EIPR1: variants seen among roughly 807,000 people sequenced by gnomAD.
EIPR1 encodes the protein EARP and GARP complex-interacting protein 1.
Under a neutral mutation model 48.1 loss-of-function variants are expected in EIPR1, and 25 were observed. The ratio of observed to expected loss-of-function variants is 0.52; its 90% CI spans 0.38 to 0.73. EIPR1 has a LOEUF of 0.73. Ranked by LOEUF, EIPR1 falls within the 30% of genes least tolerant of loss-of-function variation. The probability of loss-of-function intolerance (pLI) is 0.00; values close to 1 mark genes in which losing one functional copy is unlikely to be tolerated. For synonymous variants in EIPR1, 204 were observed against 201.9 expected, an observed-to-expected ratio of 1.01 and a Z score of -0.09; for missense variants, 415 against 506.2, an observed-to-expected ratio of 0.82 and a Z score of 1.73.
At chr2:3,245,515 A>T (rs996773585) in intron 4 of EIPR1, among the ~76,000 whole-genome samples, 2 of 152,230 alleles carry the variant, frequency 1.3e-5, no homozygotes, top group African/African-American at 4.8e-5. Flanking sequence ...GCCCAGCCTC[A>T]TTCCCCATTT....
At chr2:3,351,971 TTGATC>T (rs1285434607) in intron 2 of EIPR1, among the ~76,000 whole-genome samples, 1 of 148,582 alleles carries the variant, frequency 6.7e-6, no homozygotes, top group African/African-American at 2.5e-5. Context: ...AGTCATCCCT[TTGATC>T]AGCATATCCA....
At chr2:3,192,298 G>A in intron 8 of EIPR1, 116 bp downstream of exon 8, 2 of 1,246,772 alleles carry the variant, frequency 1.6e-6, no homozygotes, top group Non-Finnish European at 1.1e-6. Context: ...GGTAAGGAGA[G>A]TGTCCCCCAA....
intron 2 of EIPR1, among the ~76,000 whole-genome samples, chr2:3,345,453 C>T (rs772289579): frequency 1.4e-5 from 2 of 146,580 alleles, no homozygotes; most frequent in Middle Eastern, 3.4e-3. Context: ...GGTGAAACCC[C>T]GTCTCTACTA....
At chr2:3,320,220 A>C in intron 3 of EIPR1, 1 of 163,924 alleles carries the variant, frequency 6.1e-6, no homozygotes, top group Non-Finnish European at 1.3e-5. Context: ...CCTGGGGATA[A>C]CACACCTGCA....
intron 1 of EIPR1, among the ~76,000 whole-genome samples, chr2:3,368,271 T>C (rs1004526355): frequency 1.5e-4 from 23 of 152,198 alleles, no homozygotes; most frequent in Non-Finnish European, 3.1e-4. Context: ...CATATCCTTG[T>C]GTGGCTTACA....
intron 4 of EIPR1, among the ~76,000 whole-genome samples, chr2:3,252,226 C>CTCT (rs1667021376): frequency 6.6e-6 from 1 of 152,196 alleles, no homozygotes; most frequent in African/African-American, 2.4e-5. Flanking sequence ...GCTCAGCGTC[C>CTCT]ACAGAGAACA....
chr2:3,284,762 T>G (rs574695580), intron 3 of EIPR1, among the ~76,000 whole-genome samples: 4 of 152,126 alleles, frequency 2.6e-5, no homozygotes, highest in Non-Finnish European at 5.9e-5. Flanking sequence ...CGTGTCATTA[T>G]CCTGCCTTTC....
chr2:3,282,342 G>C (rs895173772), intron 3 of EIPR1: 1 of 152,220 alleles, frequency 6.6e-6, no homozygotes, highest in Non-Finnish European at 1.5e-5. Flanking sequence ...AGACCAAGTG[G>C]TGAAATCTGT....
intron 4 of EIPR1, among the ~76,000 whole-genome samples, chr2:3,242,985 T>G (rs1360166851): frequency 1.3e-5 from 2 of 152,208 alleles, no homozygotes; most frequent in Non-Finnish European, 2.9e-5. Context: ...AAGTTCTTTA[T>G]GTTGGGACCT....
chr2:3,254,908 G>A lies in EIPR1; in HGVS notation c.416+2391C>T, dbSNP rs759829444. Among the ~76,000 whole-genome samples the A allele has an allele frequency of 2.0e-4, 30 of 152,334 alleles. No individual in the cohort carries two copies. The Middle Eastern group carries it at 0.01, about 52-fold the overall frequency. ...TGGGCTGTATCAATGCCAGTTTCCT[G>A]TTTGTGATACAGTACCATAGTTATG... On this transcript the variant is annotated intron_variant, in intron 4 of 8. Transcript: ENST00000382125.
intron 3 of EIPR1, among the ~76,000 whole-genome samples, chr2:3,283,571 T>TC (rs1244058289): frequency 6.6e-6 from 1 of 152,116 alleles, no homozygotes; most frequent in Non-Finnish European, 1.5e-5. Flanking sequence ...CGCCATGCCT[T>TC]CCCCCAGCTG....
intron 3 of EIPR1, among the ~76,000 whole-genome samples, chr2:3,266,299 C>T (rs941093278): frequency 1.3e-5 from 2 of 152,146 alleles, no homozygotes; most frequent in South Asian, 4.1e-4. Flanking sequence ...TTTTAGAGCC[C>T]GCAGCCATCT....
chr2:3,246,976 G>A (rs1301716826), intron 4 of EIPR1, among the ~76,000 whole-genome samples: 34 of 178 alleles, frequency 0.19, 4 homozygotes, highest in South Asian at 0.1. Context: ...AGGGGAAGGA[G>A]GGAGGGAGGG....
intron 4 of EIPR1, among the ~76,000 whole-genome samples, chr2:3,218,765 C>T (rs139173795): frequency 2.0e-4 from 28 of 140,058 alleles, no homozygotes; most frequent in Middle Eastern, 4.6e-3. Context: ...GACCCTGATA[C>T]ACTCTAGAGC....
At chr2:3,355,486 T>C (rs968074212) in intron 1 of EIPR1, among the ~76,000 whole-genome samples, 5 of 152,308 alleles carry the variant, frequency 3.3e-5, no homozygotes, top group Admixed American at 6.5e-5. Context: ...AATCTGACAC[T>C]GAAAAATGTT....
At chr2:3,364,615 A>T (rs113874297) in intron 1 of EIPR1, among the ~76,000 whole-genome samples, 1 of 151,954 alleles carries the variant, frequency 6.6e-6, no homozygotes, top group African/African-American at 2.4e-5. Flanking sequence ...AGCCTGGGTG[A>T]CAGAGTGAGA....
At chr2:3,336,790 GA>G (rs2103349373) in intron 3 of EIPR1, among the ~76,000 whole-genome samples, 1 of 97,308 alleles carries the variant, frequency 1.0e-5, no homozygotes, top group South Asian at 3.0e-4. Context: ...AAAAGAAAAG[GA>G]AAGGAAAAGA....
At chr2:3,243,773 C>T (rs185926219) in intron 4 of EIPR1, among the ~76,000 whole-genome samples, 19 of 152,280 alleles carry the variant, frequency 1.2e-4, no homozygotes, top group Admixed American at 9.8e-4. Flanking sequence ...CCTCAAAACC[C>T]TATCCTCTGG....
chr2:3,366,030 C>T (rs904987793), intron 1 of EIPR1, among the ~76,000 whole-genome samples: 7 of 152,058 alleles, frequency 4.6e-5, no homozygotes, highest in African/African-American at 1.2e-4. Context: ...AAAAGAGGCC[C>T]GGCATGGTGG....
Sources: allele counts gnomAD v4.1 joint callset (sites outside exome capture counted in the v4.1 genomes callset), GRCh38; gene constraint gnomAD v4.1.1; transcripts MANE v1.5; gene names NCBI Gene and HGNC (gene_info 2026-07-23, HGNC 2026-07-21).